ADAMTS16: variants seen among roughly 807,000 people sequenced by gnomAD.
ADAMTS16 encodes ADAM metallopeptidase with thrombospondin type 1 motif 16.
A neutral mutation model predicts 145.8 loss-of-function variants in ADAMTS16; 94 were observed. The observed-to-expected ratio is 0.64, with a 90% confidence interval of 0.55 to 0.77. ADAMTS16 has a LOEUF of 0.77. Among genes scored for constraint, ADAMTS16 ranks in the 30% least tolerant of loss-of-function variants. The pLI is 0.00. For missense variants in ADAMTS16, 1,585 were observed against 1,591.5 expected, an observed-to-expected ratio of 1.00 and a Z score of 0.07; for synonymous variants, 659 against 604.3, an observed-to-expected ratio of 1.09 and a Z score of -1.33.
chr5:5,207,752 A>G (rs1402345576), intron 9 of ADAMTS16, among the ~76,000 whole-genome samples: 1 of 151,532 alleles, frequency 6.6e-6, no homozygotes, highest in Non-Finnish European at 1.5e-5. Context: ...AATTTTATCA[A>G]ATGGTTTTTT....
intron 21 of ADAMTS16, among the ~76,000 whole-genome samples, chr5:5,311,047 C>T (rs1009474266): frequency 2.6e-5 from 4 of 152,112 alleles, no homozygotes; most frequent in African/African-American, 9.7e-5. Context: ...CCGTGTCAAG[C>T]TAGAGACACA....
rs757083826 is a variant in ADAMTS16, at chr5:5,239,675, A to T, written c.2279-6A>T. The T allele has an allele frequency of 4.0e-5, 64 of 1,613,736 alleles. 1 individual carries two copies. In the South Asian group the frequency reaches 4.1e-4, roughly 10 times the overall value. The stretch of plus-strand genomic sequence containing the variant: ...AAGCTGTATCTTCCCCATTTCCTTT[A>T]TCTAGAGTATTATCACATGGTCACC... On this transcript the variant is annotated splice_polypyrimidine_tract_variant and splice_region_variant and intron_variant, in intron 15 of 22. Coordinates refer to ENST00000274181, the MANE Select transcript of ADAMTS16 (RefSeq NM_139056.4).
intron 9 of ADAMTS16, among the ~76,000 whole-genome samples, chr5:5,206,225 G>C (rs920430261): frequency 4.0e-5 from 6 of 150,340 alleles, no homozygotes; most frequent in Non-Finnish European, 8.9e-5. Context: ...AGGAGATCGA[G>C]ACCATCCCGG....
rs578216960 is a variant in ADAMTS16 at position 5,234,941 on chromosome 5, C to T, written c.1851-73C>T. 4 of 1,322,852 alleles carry T rather than the reference C, an allele frequency of 3.0e-6. 1 individual carries two copies. The Admixed American group carries it at 7.7e-5, about 25-fold the overall frequency. 81.9% of individuals were successfully genotyped at this position (1,322,852 alleles called of 1,614,324 possible). A position where few individuals can be genotyped will look rare whatever the true frequency, so the allele number is the denominator to read the frequency against. ...TCTAACACTCTTAGCTTCATCTCTC[C>T]AATAAGCCTAATTTTAAAGAATTTA... On this transcript the variant is annotated intron_variant, in intron 12 of 22. Transcript: ENST00000274181.
chr5:5,221,198 T>G (rs1736596794), intron 10 of ADAMTS16, among the ~76,000 whole-genome samples: 1 of 152,138 alleles, frequency 6.6e-6, no homozygotes. Context: ...GTTGTCTGTT[T>G]GGAGAATTAC....
At chr5:5,220,168 T>TG (rs60539468) in intron 10 of ADAMTS16, among the ~76,000 whole-genome samples, 19,547 of 147,726 alleles carry the variant, frequency 0.13, 1,338 homozygotes, top group East Asian at 0.16. Context: ...TTTTTTTTTT[T>TG]TTTTTTTTTG....
chr5:5,219,284 T>G (rs1386778337), intron 10 of ADAMTS16, among the ~76,000 whole-genome samples: 2 of 152,226 alleles, frequency 1.3e-5, no homozygotes, highest in African/African-American at 4.8e-5. Context: ...AATAAATTGT[T>G]GTTAACTATC....
At chr5:5,234,328 C>G (rs770066683) in intron 12 of ADAMTS16, among the ~76,000 whole-genome samples, 4 of 152,224 alleles carry the variant, frequency 2.6e-5, no homozygotes, top group Non-Finnish European at 5.9e-5. Flanking sequence ...AGTCATTGAA[C>G]TTCCCTCTGA....
intron 3 of ADAMTS16, among the ~76,000 whole-genome samples, chr5:5,148,182 CA>C (rs2126506627): frequency 6.6e-6 from 1 of 152,324 alleles, no homozygotes; most frequent in East Asian, 1.9e-4. Flanking sequence ...ATTAATCTTC[CA>C]AATACTTGTA....
intron 10 of ADAMTS16, 26 bp from the exon 11 acceptor site, chr5:5,222,762 TA>T (rs770719884): frequency 2.7e-5 from 43 of 1,574,086 alleles, no homozygotes; most frequent in Non-Finnish European, 3.5e-5. Context: ...GATGTAATCC[TA>T]ATGACCTTTT....
At chr5:5,142,715 T>C (rs1487397688) in intron 2 of ADAMTS16, among the ~76,000 whole-genome samples, 1 of 152,156 alleles carries the variant, frequency 6.6e-6, no homozygotes, top group African/African-American at 2.4e-5. Context: ...AAACTATTAT[T>C]GCAAATCATT....
rs781292657 is a variant in ADAMTS16 at position 5,200,163 on chromosome 5, A to G, written c.1345A>G (p.Met449Val). 1.2e-6 allele frequency: 2 copies of G among 1,613,552 alleles called. No individual in the cohort carries two copies. Among genetic ancestry groups the G allele is most frequent in the South Asian group, 1.1e-5 (1 of 90,980 alleles). ...CATGATTCATGATGGAGAAGGGAAC[A>G]TGTGCAAAAAGTCCGAGGGCAACAT... ...FGMIHDGEGN[M>V]CKKSEGNIMS... Residue 449 changes from methionine (M) to valine (V), a missense_variant, in exon 9 of 23, where the codon ATG (methionine) becomes GTG (valine). Around this residue, in one of 3 missense-constraint regions of ADAMTS16, gnomAD observed 298 missense variants for 367.6 expected, o/e 0.81. Transcript: ENST00000274181.
At chr5:5,234,448 A>T (rs2913625) in intron 12 of ADAMTS16, among the ~76,000 whole-genome samples, 88,349 of 152,114 alleles carry the variant, frequency 0.58, 26,178 homozygotes, top group Admixed American at 0.7. Context: ...ACCACTGCAG[A>T]GGCACTGGGC....
chr5:5,237,236 C>T, intron 14 of ADAMTS16, 137 bp downstream of exon 14: 1 of 839,164 alleles, frequency 1.2e-6, no homozygotes, highest in Non-Finnish European at 1.8e-6. Context: ...GGGAGAAAGC[C>T]AGAAGAACAC....
intron 11 of ADAMTS16, 22 bp downstream of exon 11, chr5:5,222,906 C>T (rs760045961): frequency 6.2e-7 from 1 of 1,605,664 alleles, no homozygotes; most frequent in Non-Finnish European, 8.5e-7. Context: ...ACTGTAGGTA[C>T]AGCATCGTAT....
intron 17 of ADAMTS16, among the ~76,000 whole-genome samples, chr5:5,258,169 C>T (rs145496087): frequency 9.3e-4 from 142 of 152,188 alleles, no homozygotes; most frequent in African/African-American, 3.3e-3. Context: ...TTGAATCATC[C>T]GCCGTTAGTG....
rs1277859215 is a variant in ADAMTS16 at position 5,310,090 on chromosome 5, C to G, written c.3411+3362C>G. 6.6e-6 allele frequency among the ~76,000 whole-genome samples: 1 copy of G among 152,116 alleles called. No homozygotes were observed. Among genetic ancestry groups the G allele is most frequent in the African/African-American group, 2.4e-5 (1 of 41,410 alleles). On this transcript the variant is annotated intron_variant, in intron 21 of 22. Coordinates refer to ENST00000274181, the MANE Select transcript of ADAMTS16 (RefSeq NM_139056.4). The surrounding 1 kb of genome is among the most constrained non-coding windows in gnomAD (Gnocchi z 4.3). ...GGAGTGCAGAAATTAGTGCAGGTGC[C>G]TGTTGGGCAGCCGGGGTCAAGGTGT...
Position 5,310,376 on chromosome 5 carries a change from T to C in ADAMTS16, c.3411+3648T>C, listed in dbSNP as rs929499107. On this transcript the variant is annotated intron_variant, in intron 21 of 22. Transcript: ENST00000274181. The surrounding 1 kb of genome is among the most constrained non-coding windows in gnomAD (Gnocchi z 4.3). ...AGAGGGACCCCACACTGTGTCTCATTGGCAGCGTCCTGCGCTGAGTAATGT... is the reference window on the plus strand; with the variant it reads ...AGAGGGACCCCACACTGTGTCTCATCGGCAGCGTCCTGCGCTGAGTAATGT... Among the ~76,000 whole-genome samples the C allele has an allele frequency of 2.0e-5, 3 of 152,124 alleles. No individual in the cohort carries two copies. The highest frequency in any genetic ancestry group is 4.4e-5 in the Non-Finnish European group (3 of 68,028).
At chr5:5,200,308 C>T (rs763854533) in intron 9 of ADAMTS16, 39 bp downstream of exon 9, 10 of 1,610,186 alleles carry the variant, frequency 6.2e-6, no homozygotes, top group Non-Finnish European at 8.5e-6. Flanking sequence ...TCTTTCGGGG[C>T]CTTTGATGCT....
Sources: gnomAD v4.1 joint callset for allele counts (sites outside exome capture counted in the v4.1 genomes callset) on GRCh38, gnomAD v4.1.1 for gene constraint, gnomAD v4.1.1 regional missense constraint, Gnocchi (gnomAD v3.1) non-coding constraint, MANE v1.5 for transcripts, NCBI Gene and HGNC (gene_info 2026-07-23, HGNC 2026-07-21) for gene names.